Variants in SORL1-AS1 observed in about 807,000 individuals in gnomAD.
SORL1-AS1 encodes lncRNA 51 A.
chr11:121,448,016 G>GT (rs1395545474), exon 2 of SORL1-AS1: 14 of 152,176 alleles, frequency 9.2e-5, no homozygotes, highest in Admixed American at 9.2e-4. Flanking sequence ...CTTACTAACA[G>GT]TAAGTTAGCA....
the SORL1-AS1 span, among the ~76,000 whole-genome samples, chr11:121,441,177 T>A: frequency 6.6e-6 from 1 of 152,158 alleles, no homozygotes. Flanking sequence ...TTCCACTTCT[T>A]CTAAAGGGAA....
Position 121,452,520 on chromosome 11 carries a change from CG to C in SORL1-AS1, n.339+154del. On this transcript the variant is annotated intron_variant and non_coding_transcript_variant, in intron 1 of 1. Transcript: ENST00000501964. The surrounding 1 kb of genome is among the most constrained non-coding windows in gnomAD (Gnocchi z 5.3). ...CGCGCGAGCTGCGGCTGTGGGCGCG[CG>C]GGGATGCCAGGGGGGCGAGCCGCGC... The C allele has an allele frequency of 1.4e-6, 2 of 1,478,746 alleles. No individual in the cohort carries two copies. Among genetic ancestry groups the C allele is most frequent in the South Asian group, 1.3e-5 (1 of 77,426 alleles). 91.6% of individuals were successfully genotyped at this position (1,478,746 alleles called of 1,614,324 possible).
chr11:121,440,809 T>A, the SORL1-AS1 span, among the ~76,000 whole-genome samples: 1 of 152,230 alleles, frequency 6.6e-6, no homozygotes, highest in South Asian at 2.1e-4. Context: ...AGCTGTCCAT[T>A]CTTCATCAAA....
chr11:121,442,852 G>A (rs1376719531), downstream of SORL1-AS1, among the ~76,000 whole-genome samples: 4 of 149,622 alleles, frequency 2.7e-5, no homozygotes, highest in Non-Finnish European at 4.4e-5. Context: ...CTAATTTTTT[G>A]TATTTTTAGT....
intron 1 of SORL1-AS1, among the ~76,000 whole-genome samples, chr11:121,451,953 C>T (rs1055204654): frequency 5.9e-5 from 9 of 152,160 alleles, no homozygotes; most frequent in Admixed American, 5.9e-4. Context: ...AGAAAACGAG[C>T]GAGCCCCATG....
chr11:121,450,460 T>C lies in SORL1-AS1; in HGVS notation n.340-561A>G, dbSNP rs536608431. ...TGAATTATTATTTTTAATTGACATA[T>C]ATAAGTATATAATAAATATATATGT... On this transcript the variant is annotated intron_variant and non_coding_transcript_variant, in intron 1 of 1. Transcript: ENST00000501964. The surrounding 1 kb of genome is among the most constrained non-coding windows in gnomAD (Gnocchi z 5.2). 6.6e-6 allele frequency among the ~76,000 whole-genome samples: 1 copy of C among 151,766 alleles called. No individual in the cohort carries two copies. The highest frequency in any genetic ancestry group is 1.9e-4 in the East Asian group (1 of 5,182).
At chr11:121,449,482 G>C (rs1252310870) in exon 2 of SORL1-AS1, 1 of 152,182 alleles carries the variant, frequency 6.6e-6, no homozygotes, top group Admixed American at 6.5e-5. Context: ...AACCCAGTGG[G>C]GGTCCTGAAG....
chr11:121,443,362 C>T (rs1860686907), downstream of SORL1-AS1, among the ~76,000 whole-genome samples: 1 of 152,162 alleles, frequency 6.6e-6, no homozygotes, highest in Admixed American at 6.5e-5. Context: ...ATCTGGCTGT[C>T]TACAGTGGCA....
At chr11:121,446,072 T>A (rs1229731837), downstream of SORL1-AS1, among the ~76,000 whole-genome samples, 4 of 152,150 alleles carry the variant, frequency 2.6e-5, no homozygotes, top group Admixed American at 6.5e-5. Flanking sequence ...TTGTTCCTCC[T>A]TCCAGAACCA....
rs903783259 is a variant in SORL1-AS1 at position 121,450,934 on chromosome 11, G to C, written n.340-1035C>G. 9.8e-5 allele frequency among the ~76,000 whole-genome samples: 15 copies of C among 152,298 alleles called. No individual in the cohort carries two copies. Among genetic ancestry groups the C allele is most frequent in the African/African-American group, 3.6e-4 (15 of 41,560 alleles). ...AGGCAAGCTGGCCTGACTCTGGCAG[G>C]TTGTCAGTGGTAGTCCTAGGTAGAG... On this transcript the variant is annotated intron_variant and non_coding_transcript_variant, in intron 1 of 1. Coordinates refer to ENST00000501964, the Ensembl canonical transcript of SORL1-AS1. This position sits in a 1 kb window ranked among gnomAD's most constrained non-coding sequence, Gnocchi z 5.2.
chr11:121,440,072 C>T, the SORL1-AS1 span, among the ~76,000 whole-genome samples: 6 of 152,226 alleles, frequency 3.9e-5, no homozygotes, highest in Non-Finnish European at 8.8e-5. Context: ...CTTGCTGGGG[C>T]TCAGGAAATG....
chr11:121,452,785 A>C lies in SORL1-AS1; in HGVS notation n.229T>G. ...GTACAACCGTCAGCACTTGAATCGC[A>C]TTGATCTTTCCTTCTTCCTGTCGAT... On this transcript the variant is annotated non_coding_transcript_exon_variant, in exon 1 of 2. Coordinates refer to ENST00000501964, the Ensembl canonical transcript of SORL1-AS1. This position sits in a 1 kb window ranked among gnomAD's most constrained non-coding sequence, Gnocchi z 5.3. 1.8e-6 allele frequency: 1 copy of C among 545,018 alleles called. No individual in the cohort carries two copies. The highest frequency in any genetic ancestry group is 3.0e-6 in the Non-Finnish European group (1 of 331,564). 33.8% of individuals were successfully genotyped at this position (545,018 alleles called of 1,614,324 possible). A position where few individuals can be genotyped will look rare whatever the true frequency, so the allele number is the denominator to read the frequency against.
At chr11:121,443,381 A>G (rs1224717358), downstream of SORL1-AS1, among the ~76,000 whole-genome samples, 1 of 152,230 alleles carries the variant, frequency 6.6e-6, no homozygotes, top group Non-Finnish European at 1.5e-5. Flanking sequence ...CATATCTAAA[A>G]TAAATTCTCA....
chr11:121,446,813 G>A (rs555531546), downstream of SORL1-AS1, among the ~76,000 whole-genome samples: 2 of 151,574 alleles, frequency 1.3e-5, no homozygotes, highest in African/African-American at 4.8e-5. Context: ...TAGTCTGACT[G>A]TCTGCTTTCC....
At chr11:121,443,841 C>T (rs1860691738), downstream of SORL1-AS1, among the ~76,000 whole-genome samples, 1 of 152,212 alleles carries the variant, frequency 6.6e-6, no homozygotes, top group African/African-American at 2.4e-5. Flanking sequence ...ATGTAAGAAT[C>T]CAGCAGACCC....
In SORL1-AS1 at chr11:121,452,635, C is replaced by T. The variant is rs753485964; in HGVS notation, n.339+40G>A. 8.3e-6 allele frequency: 12 copies of T among 1,440,006 alleles called. No homozygotes were observed. The African/African-American group carries it at 1.5e-4, about 18-fold the overall frequency. 89.2% of individuals were successfully genotyped at this position (1,440,006 alleles called of 1,614,324 possible). A position where few individuals can be genotyped will look rare whatever the true frequency, so the allele number is the denominator to read the frequency against. On this transcript the variant is annotated intron_variant and non_coding_transcript_variant, in intron 1 of 1. Coordinates refer to ENST00000501964, the Ensembl canonical transcript of SORL1-AS1. This position sits in a 1 kb window ranked among gnomAD's most constrained non-coding sequence, Gnocchi z 5.3. ...CGGACAGGTGAGCAGTTTTGCAACC[C>T]GCCTCCCTCCAGTTTTTTCCTCTCC...
downstream of SORL1-AS1, among the ~76,000 whole-genome samples, chr11:121,446,787 A>G (rs1157941466): frequency 6.6e-6 from 1 of 150,828 alleles, no homozygotes; most frequent in Non-Finnish European, 1.5e-5. Context: ...TATCCAGGAG[A>G]CGTGGGCCAA....
the SORL1-AS1 span, among the ~76,000 whole-genome samples, chr11:121,440,248 C>A: frequency 6.6e-6 from 1 of 152,182 alleles, no homozygotes; most frequent in Non-Finnish European, 1.5e-5. Context: ...TGCTACATGG[C>A]CTGTAATTCC....
Position 121,452,220 on chromosome 11 carries a change from G to A in SORL1-AS1, n.339+455C>T. ...CGGGGCGGCCCGGAGCGGCGCGGGC[G>A]GCCTGGAGCCCCGGGAGCGGCGCGC... On this transcript the variant is annotated intron_variant and non_coding_transcript_variant, in intron 1 of 1. Transcript: ENST00000501964. The surrounding 1 kb of genome is among the most constrained non-coding windows in gnomAD (Gnocchi z 5.3). 1.3e-6 allele frequency: 1 copy of A among 748,630 alleles called. No homozygotes were observed. The highest frequency in any genetic ancestry group is 1.7e-6 in the Non-Finnish European group (1 of 572,772). 46.4% of individuals were successfully genotyped at this position (748,630 alleles called of 1,614,324 possible). A position where few individuals can be genotyped will look rare whatever the true frequency, so the allele number is the denominator to read the frequency against.
Sources: gnomAD v4.1 joint callset for allele counts (sites outside exome capture counted in the v4.1 genomes callset) on GRCh38, gnomAD v4.1.1 for gene constraint, Gnocchi (gnomAD v3.1) non-coding constraint, MANE v1.5 for transcripts, NCBI Gene and HGNC (gene_info 2026-07-23, HGNC 2026-07-21) for gene names.